INSL6: variants seen among roughly 807,000 people sequenced by gnomAD.
INSL6 encodes the protein insulin-like peptide INSL6.
A neutral mutation model predicts 9.4 loss-of-function variants in INSL6; 16 were observed. The ratio of observed to expected loss-of-function variants is 1.70; its 90% CI spans 1.15 to 2.59. The LOEUF (loss-of-function observed/expected upper bound fraction) is 2.59, where lower values mean the gene tolerates loss of function less well. Among genes scored for constraint, INSL6 ranks in the 30% most tolerant of loss-of-function variants. The pLI, the probability that INSL6 is intolerant of heterozygous loss-of-function variation, is 0.00. For missense variants in INSL6, 391 were observed against 257.3 expected, an observed-to-expected ratio of 1.52 and a Z score of -3.56; for synonymous variants, 154 against 96.9, an observed-to-expected ratio of 1.59 and a Z score of -3.46.
the INSL6 span, among the ~76,000 whole-genome samples, chr9:5,103,221 C>CAAAAAAAAAAAAAA: frequency 1.2e-3 from 8 of 6,872 alleles, 1 homozygote; most frequent in Non-Finnish European, 1.5e-3. Context: ...AAAGGGAAAG[C>CAAAAAAAAAAAAAA]AAAAAAAAAA....
At chr9:5,053,902 T>A in the INSL6 span, among the ~76,000 whole-genome samples, 1 of 152,008 alleles carries the variant, frequency 6.6e-6, no homozygotes, top group African/African-American at 2.4e-5. Flanking sequence ...TAGCATATAT[T>A]ACGGCATGGA....
downstream of INSL6, among the ~76,000 whole-genome samples, chr9:5,119,390 T>C (rs1375550851): frequency 6.6e-6 from 1 of 152,042 alleles, no homozygotes; most frequent in East Asian, 1.9e-4. Flanking sequence ...ATTATGCACT[T>C]TCATGTATAA....
the INSL6 span, chr9:5,091,266 T>G: frequency 6.1e-6 from 1 of 164,780 alleles, no homozygotes; most frequent in East Asian, 1.7e-4. Context: ...TCTTTTTTAT[T>G]TACTTGGGTG....
chr9:5,115,294 A>G, the INSL6 span, among the ~76,000 whole-genome samples: 1 of 152,232 alleles, frequency 6.6e-6, no homozygotes, highest in Non-Finnish European at 1.5e-5. Flanking sequence ...TATGTGGCCA[A>G]CAAACATATG....
At chr9:5,138,173 G>A (rs1757230154) in intron 2 of INSL6, among the ~76,000 whole-genome samples, 1 of 152,180 alleles carries the variant, frequency 6.6e-6, no homozygotes, top group Admixed American at 6.5e-5. Context: ...AGATAGTGTG[G>A]CTATTCCTCA....
chr9:5,033,054 A>T, the INSL6 span, among the ~76,000 whole-genome samples: 1 of 152,172 alleles, frequency 6.6e-6, no homozygotes, highest in Admixed American at 6.5e-5. Context: ...TCCTTAAAGG[A>T]CCTGATGGAG....
intron 2 of INSL6, among the ~76,000 whole-genome samples, chr9:5,143,009 T>C (rs1824532648): frequency 6.6e-6 from 1 of 152,082 alleles, no homozygotes; most frequent in African/African-American, 2.4e-5. Flanking sequence ...TTTACTGATA[T>C]GCTTGAACCA....
the INSL6 span, chr9:5,042,073 C>G: frequency 1.8e-5 from 4 of 226,840 alleles, no homozygotes; most frequent in African/African-American, 9.5e-5. Context: ...GCCGGCGGCC[C>G]CATCCCCGGG....
At chr9:5,041,216 G>T in the INSL6 span, 1 of 1,469,700 alleles carries the variant, frequency 6.8e-7, no homozygotes. Flanking sequence ...GAACTTCCTG[G>T]TGGGGCGCCC....
downstream of INSL6, among the ~76,000 whole-genome samples, chr9:5,122,714 A>G (rs1428992944): frequency 1.3e-5 from 2 of 151,994 alleles, no homozygotes; most frequent in African/African-American, 4.8e-5. Flanking sequence ...CACATACTAA[A>G]GTTACATACT....
At chr9:5,149,717 C>A (rs998220449) in intron 2 of INSL6, among the ~76,000 whole-genome samples, 2 of 151,036 alleles carry the variant, frequency 1.3e-5, no homozygotes, top group Non-Finnish European at 2.9e-5. Context: ...CATTTTTTCA[C>A]AGAATTAGAA....
chr9:5,063,535 C>T, the INSL6 span, among the ~76,000 whole-genome samples: 24 of 151,952 alleles, frequency 1.6e-4, no homozygotes, highest in Non-Finnish European at 2.8e-4. Flanking sequence ...CTCATGTTTG[C>T]CCTGTTTTTC....
At chr9:5,174,637 C>G (rs1270511926) in intron 1 of INSL6, among the ~76,000 whole-genome samples, 1 of 152,182 alleles carries the variant, frequency 6.6e-6, no homozygotes, top group African/African-American at 2.4e-5. Flanking sequence ...GTGATCTCCT[C>G]TAGTCTTACA....
chr9:5,108,054 A>T, the INSL6 span: 2 of 152,116 alleles, frequency 1.3e-5, no homozygotes, highest in Non-Finnish European at 2.9e-5. Flanking sequence ...TTTTTAACCA[A>T]TTCAACAGTA....
At chr9:5,050,778 G>A in the INSL6 span, 2 of 1,613,628 alleles carry the variant, frequency 1.2e-6, no homozygotes, top group Non-Finnish European at 1.7e-6. Flanking sequence ...TAGATATGAT[G>A]AGAATAGCCA....
At chr9:5,126,712 A>T in intron 3 of INSL6, 1 of 1,610,700 alleles carries the variant, frequency 6.2e-7, no homozygotes, top group Non-Finnish European at 8.5e-7. Context: ...GAATGCTGGA[A>T]CAATAATGTA....
the INSL6 span, among the ~76,000 whole-genome samples, chr9:5,066,031 A>C: frequency 6.6e-6 from 1 of 152,142 alleles, no homozygotes; most frequent in African/African-American, 2.4e-5. Flanking sequence ...AATTCATTCA[A>C]ACATTCTTTT....
At chr9:5,185,240 CCTT>C (rs1825541292) in intron 1 of INSL6, 71 bp downstream of exon 1, 5 of 1,586,930 alleles carry the variant, frequency 3.2e-6, no homozygotes, top group Non-Finnish European at 4.3e-6. Flanking sequence ...GGGAAGCTCA[CCTT>C]CTGGCAGAGC....
At chr9:5,025,751 C>CA in the INSL6 span, among the ~76,000 whole-genome samples, 2 of 152,120 alleles carry the variant, frequency 1.3e-5, no homozygotes, top group Admixed American at 6.5e-5. Flanking sequence ...AAGCTTATCT[C>CA]AAACTCCTGA....
Sources: gnomAD v4.1 joint callset for allele counts (sites outside exome capture counted in the v4.1 genomes callset) on GRCh38, gnomAD v4.1.1 for gene constraint, MANE v1.5 for transcripts, NCBI Gene and HGNC (gene_info 2026-07-23, HGNC 2026-07-21) for gene names.